The following MGMT variants were observed in gnomAD, a reference collection of about 807,000 sequenced individuals.
MGMT encodes the protein O-6-methylguanine-DNA methyltransferase, also known as methylated-DNA--protein-cysteine methyltransferase.
A neutral mutation model predicts 15.9 loss-of-function variants in MGMT; 14 were observed. The ratio of observed to expected loss-of-function variants is 0.88; its 90% CI spans 0.58 to 1.37. MGMT has a LOEUF of 1.37. Among genes scored for constraint, MGMT ranks in the 40% most tolerant of loss-of-function variants. MGMT has a pLI of 0.00. For synonymous variants in MGMT, 130 were observed against 118.2 expected (o/e 1.10, Z -0.65); for missense variants, 282 against 268.1 (o/e 1.05, Z -0.36).
intron 2 of MGMT, among the ~76,000 whole-genome samples, chr10:129,580,006 G>C (rs1443955119): frequency 6.6e-6 from 1 of 152,174 alleles, no homozygotes; most frequent in African/African-American, 2.4e-5. Flanking sequence ...GGTACTGTCA[G>C]GTGCTTATTT....
At chr10:129,503,563 C>G (rs537325209) in intron 1 of MGMT, among the ~76,000 whole-genome samples, 3 of 152,164 alleles carry the variant, frequency 2.0e-5, no homozygotes, top group African/African-American at 7.2e-5. Context: ...TAATGTGATA[C>G]TCTTTGAAAT....
chr10:129,649,096 A>G (rs957221972), intron 2 of MGMT, among the ~76,000 whole-genome samples: 2 of 152,172 alleles, frequency 1.3e-5, no homozygotes, highest in Non-Finnish European at 2.9e-5. Context: ...GAACACTCCA[A>G]GTATCCAGTT....
intron 2 of MGMT, among the ~76,000 whole-genome samples, chr10:129,579,004 G>A (rs915544773): frequency 6.6e-6 from 1 of 152,156 alleles, no homozygotes; most frequent in Non-Finnish European, 1.5e-5. Flanking sequence ...TCGCCTTAAT[G>A]TACTGTGTAC....
At chr10:129,765,806 C>T (rs755598470) in intron 4 of MGMT, among the ~76,000 whole-genome samples, 2 of 152,008 alleles carry the variant, frequency 1.3e-5, no homozygotes, top group East Asian at 1.9e-4. Context: ...GTGACTCATT[C>T]TCCCTTGTGG....
intron 4 of MGMT, among the ~76,000 whole-genome samples, chr10:129,765,788 G>A (rs905899872): frequency 1.1e-4 from 17 of 152,146 alleles, no homozygotes; most frequent in Non-Finnish European, 2.2e-4. Context: ...CTCCCTTGTC[G>A]GTGGTCAGTG....
intron 2 of MGMT, among the ~76,000 whole-genome samples, chr10:129,665,286 C>A: frequency 7.2e-6 from 1 of 139,238 alleles, no homozygotes; most frequent in Non-Finnish European, 1.6e-5. Flanking sequence ...TCCCCTCTCC[C>A]AACTCTCTCT....
rs1393849417 is a variant in MGMT at position 129,753,435 on chromosome 10, T to C, written c.275-5767T>C. ...CCCGTACTACACTTTTTTTCCTCTT[T>C]TTCTGTAACTCCAGTGACATAAATA... On this transcript the variant is annotated intron_variant, in intron 3 of 4. Transcript: ENST00000651593. Among the ~76,000 whole-genome samples the C allele has an allele frequency of 5.3e-5, 8 of 152,312 alleles. No individual in the cohort carries two copies. The East Asian group carries it at 1.5e-3, about 29-fold the overall frequency.
chr10:129,538,788 G>A (rs189810740), intron 2 of MGMT, among the ~76,000 whole-genome samples: 644 of 152,004 alleles, frequency 4.2e-3, no homozygotes, highest in Non-Finnish European at 5.7e-3. Flanking sequence ...GGCACGCACC[G>A]CCACACCTGG....
intron 2 of MGMT, among the ~76,000 whole-genome samples, chr10:129,646,176 G>A (rs189783857): frequency 1.3e-5 from 2 of 152,286 alleles, no homozygotes; most frequent in Admixed American, 1.3e-4. Context: ...CGGAAGGGAA[G>A]GCAGATAGGA....
At chr10:129,474,453 T>C (rs969981044) in intron 1 of MGMT, among the ~76,000 whole-genome samples, 1 of 152,152 alleles carries the variant, frequency 6.6e-6, no homozygotes, top group Admixed American at 6.5e-5. Context: ...GCTTTTCTTA[T>C]TGAGAGAGAC....
At chr10:129,710,258 C>T (rs1029104213) in intron 3 of MGMT, among the ~76,000 whole-genome samples, 1 of 152,236 alleles carries the variant, frequency 6.6e-6, no homozygotes, top group Non-Finnish European at 1.5e-5. Flanking sequence ...CTTGGAAAGC[C>T]CTACAGTGCG....
Position 129,708,322 on chromosome 10 carries a change from T to C in MGMT, c.274+279T>C, listed in dbSNP as rs536314865. Among the ~76,000 whole-genome samples the C allele has an allele frequency of 2.6e-5, 4 of 152,308 alleles. No homozygotes were observed. The South Asian group carries it at 8.3e-4, about 32-fold the overall frequency. On this transcript the variant is annotated intron_variant, in intron 3 of 4. Coordinates refer to ENST00000651593, the MANE Select transcript of MGMT (RefSeq NM_002412.5). ...ACTCTCGCTGGCTGAAAGGTTTAAA[T>C]AGGAACACATCTGAATGGCAGTAAA...
intron 2 of MGMT, among the ~76,000 whole-genome samples, chr10:129,641,537 C>G (rs1847327933): frequency 6.6e-6 from 1 of 152,218 alleles, no homozygotes; most frequent in Non-Finnish European, 1.5e-5. Flanking sequence ...ATAATTCCTT[C>G]AAGAATGGTC....
intron 2 of MGMT, among the ~76,000 whole-genome samples, chr10:129,623,303 G>C (rs1264506704): frequency 6.6e-6 from 1 of 152,164 alleles, no homozygotes; most frequent in Non-Finnish European, 1.5e-5. Flanking sequence ...GCCGCGCTGA[G>C]CAGCAGTTCA....
intron 1 of MGMT, among the ~76,000 whole-genome samples, chr10:129,487,206 C>T (rs529108532): frequency 6.6e-6 from 1 of 151,036 alleles, no homozygotes; most frequent in Non-Finnish European, 1.5e-5. Context: ...GATGGTTTGC[C>T]CTGCTCTCAT....
At chr10:129,742,657 G>T (rs1277672878) in intron 3 of MGMT, among the ~76,000 whole-genome samples, 1 of 142,950 alleles carries the variant, frequency 7.0e-6, no homozygotes, top group African/African-American at 2.6e-5. Context: ...GCATTCAGCA[G>T]TGCCCCACGG....
chr10:129,681,682 A>T (rs1327585569), intron 2 of MGMT, among the ~76,000 whole-genome samples: 2 of 152,190 alleles, frequency 1.3e-5, no homozygotes, highest in African/African-American at 4.8e-5. Context: ...TGTTCACAGG[A>T]TATGAAAACC....
intron 1 of MGMT, among the ~76,000 whole-genome samples, chr10:129,477,401 G>A (rs1845307881): frequency 1.3e-5 from 2 of 152,190 alleles, no homozygotes; most frequent in Admixed American, 6.5e-5. Flanking sequence ...GACACAGGGT[G>A]CTGTGGACTG....
chr10:129,554,751 C>A (rs1259779163), intron 2 of MGMT, among the ~76,000 whole-genome samples: 1 of 152,184 alleles, frequency 6.6e-6, no homozygotes, highest in Non-Finnish European at 1.5e-5. Context: ...GTTTTCCTAG[C>A]CCCTCCGTTC....
Sources: gnomAD v4.1 joint callset for allele counts (sites outside exome capture counted in the v4.1 genomes callset) on GRCh38, gnomAD v4.1.1 for gene constraint, MANE v1.5 for transcripts, NCBI Gene and HGNC (gene_info 2026-07-23, HGNC 2026-07-21) for gene names.